DGLUCY: variants seen among roughly 807,000 people sequenced by gnomAD.
The protein encoded by DGLUCY is D-glutamate cyclase, mitochondrial.
Under a neutral mutation model 58.5 loss-of-function variants are expected in DGLUCY, and 58 were observed. The observed-to-expected ratio is 0.99, with a 90% CI of 0.80 to 1.23. The LOEUF is 1.23. DGLUCY is among the 50% of genes most tolerant of loss of function. The pLI is 0.00. For synonymous variants in DGLUCY, 325 were observed against 314.1 expected (o/e 1.03, Z -0.37); for missense variants, 779 against 784.7 (o/e 0.99, Z 0.09).
intron 13 of DGLUCY, chr14:91,223,793 C>G: frequency 3.9e-6 from 4 of 1,022,228 alleles, no homozygotes; most frequent in Non-Finnish European, 5.2e-6. Flanking sequence ...AAGTGCTTTG[C>G]TTGTACGTAA....
intron 1 of DGLUCY, among the ~76,000 whole-genome samples, chr14:91,067,018 T>G (rs1308180756): frequency 6.8e-6 from 1 of 147,644 alleles, no homozygotes; most frequent in African/African-American, 2.5e-5. Context: ...GAGGTGGAGC[T>G]TGCAGTGAGC....
chr14:91,196,600 T>C (rs2050231150), intron 10 of DGLUCY, 126 bp downstream of exon 10: 1 of 725,424 alleles, frequency 1.4e-6, no homozygotes, highest in Non-Finnish European at 2.4e-6. Context: ...CCAAGGAAGA[T>C]GGGTTCTCAT....
intron 1 of DGLUCY, among the ~76,000 whole-genome samples, chr14:91,084,582 A>G (rs1208073224): frequency 6.6e-6 from 1 of 152,084 alleles, no homozygotes. Context: ...AAGCAATTAC[A>G]GTGGTGGTAA....
chr14:91,072,078 T>A (rs1316258261), intron 1 of DGLUCY, among the ~76,000 whole-genome samples: 2 of 152,084 alleles, frequency 1.3e-5, no homozygotes, highest in African/African-American at 4.8e-5. Context: ...ATCCCAGCAC[T>A]TTAGGAGGCC....
rs895170210 is a variant in DGLUCY, at chr14:91,102,739, G to GTGTA, written c.-82+42039_-82+42042dup. Among the ~76,000 whole-genome samples, 3 of 138,828 alleles carry GTGTA rather than the reference G, an allele frequency of 2.2e-5. No homozygotes were observed. In the Admixed American group the frequency reaches 2.2e-4, roughly 10 times the overall value. 91.1% of individuals were successfully genotyped at this position (138,828 alleles called of 152,430 possible). A position where few individuals can be genotyped will look rare whatever the true frequency, so the allele number is the denominator to read the frequency against. ...GGATGCTGCTGGGACCCCTTCCAGTGTGTATGTGTGTGTGTGTGTGTGTGT... is the reference window on the plus strand; with the variant it reads ...GGATGCTGCTGGGACCCCTTCCAGTGTGTATGTATGTGTGTGTGTGTGTGTGTGT... On this transcript the variant is annotated intron_variant, in intron 1 of 4. Coordinates refer to the DGLUCY transcript ENST00000521334.
chr14:91,204,672 T>G lies in DGLUCY; in HGVS notation c.1445-34T>G, dbSNP rs200728228. On this transcript the variant is annotated intron_variant, in intron 11 of 13. Coordinates refer to ENST00000256324, the MANE Select transcript of DGLUCY (RefSeq NM_001102368.3). Reference sequence around the variant, plus strand: ...TCAGGCCTCCCCCATTTTGCCCTGGTCCCGTGCACTGACTCAGCTCCCCTT... The same window carrying G: ...TCAGGCCTCCCCCATTTTGCCCTGGGCCCGTGCACTGACTCAGCTCCCCTT... The G allele has an allele frequency of 6.8e-6, 11 of 1,607,576 alleles. No homozygotes were observed. The East Asian group carries it at 2.5e-4, about 36-fold the overall frequency.
intron 1 of DGLUCY, among the ~76,000 whole-genome samples, chr14:91,138,546 A>G (rs2046469397): frequency 6.6e-6 from 1 of 152,244 alleles, no homozygotes; most frequent in Non-Finnish European, 1.5e-5. Context: ...TATAAAGGAA[A>G]GAGGTCTAAT....
chr14:91,145,165 TCTC>T (rs1192306286), intron 1 of DGLUCY: 2 of 152,112 alleles, frequency 1.3e-5, no homozygotes, highest in Non-Finnish European at 2.9e-5. Context: ...GCTGGAGGCT[TCTC>T]CTACGTTTTC....
At position 91,086,114 on chromosome 14, in the gene DGLUCY, T is replaced by G. The variant is rs528097154; in HGVS notation, c.-82+25410T>G. Among the ~76,000 whole-genome samples, 4 of 152,308 alleles carry G rather than the reference T, an allele frequency of 2.6e-5. No homozygotes were observed. The East Asian group carries it at 7.7e-4, about 29-fold the overall frequency. On this transcript the variant is annotated intron_variant, in intron 1 of 4. Transcript: ENST00000521334. ...GTGAGGGATCTAGGTTTTGTGCTCC[T>G]TATGAGAATCTAATGCCTGATGATC...
chr14:91,218,587 G>A (rs571218310), intron 13 of DGLUCY, among the ~76,000 whole-genome samples: 75 of 152,008 alleles, frequency 4.9e-4, no homozygotes, highest in African/African-American at 1.8e-3. Context: ...ATTTTTAATG[G>A]TGACGGGGTT....
At chr14:91,171,157 G>A (rs559953867) in intron 5 of DGLUCY, among the ~76,000 whole-genome samples, 1 of 152,172 alleles carries the variant, frequency 6.6e-6, no homozygotes, top group Non-Finnish European at 1.5e-5. Context: ...CTCGTCACAT[G>A]CAGATTCTCA....
chr14:91,172,819 G>A (rs2140411588), intron 5 of DGLUCY, among the ~76,000 whole-genome samples: 1 of 152,118 alleles, frequency 6.6e-6, no homozygotes, highest in South Asian at 2.1e-4. Flanking sequence ...GCGAACTTTT[G>A]TATTTTTAAT....
chr14:91,110,605 A>C (rs961741057), upstream of DGLUCY, among the ~76,000 whole-genome samples: 9 of 151,196 alleles, frequency 6.0e-5, no homozygotes, highest in Middle Eastern at 3.2e-3. Context: ...TAATTTTTGT[A>C]TTTTTAGTAG....
intron 1 of DGLUCY, among the ~76,000 whole-genome samples, chr14:91,101,193 C>T (rs780880854): frequency 1.3e-5 from 2 of 152,082 alleles, no homozygotes; most frequent in Non-Finnish European, 2.9e-5. Context: ...ATGTTAACAT[C>T]ATTGTTGGCT....
At chr14:91,197,899 T>C (rs1038696762) in intron 10 of DGLUCY, among the ~76,000 whole-genome samples, 5 of 152,232 alleles carry the variant, frequency 3.3e-5, no homozygotes, top group African/African-American at 1.2e-4. Context: ...CTCCTGGACA[T>C]ACACATAGAA....
intron 1 of DGLUCY, among the ~76,000 whole-genome samples, chr14:91,063,242 C>A (rs2043762217): frequency 6.6e-6 from 1 of 150,944 alleles, no homozygotes. Context: ...CCTAGACACA[C>A]AGGAAGACTT....
chr14:91,202,222 T>G (rs1041627129), intron 11 of DGLUCY, among the ~76,000 whole-genome samples: 2 of 151,968 alleles, frequency 1.3e-5, no homozygotes, highest in East Asian at 1.9e-4. Flanking sequence ...GCGCAGCTAA[T>G]TAGTGTTGCT....
chr14:91,081,682 C>G (rs2044129909), intron 1 of DGLUCY, among the ~76,000 whole-genome samples: 2 of 151,964 alleles, frequency 1.3e-5, no homozygotes, highest in Non-Finnish European at 2.9e-5. Context: ...TGGCTCCTTT[C>G]TCTATCTTCA....
chr14:91,163,220 A>G (rs2048090926), intron 3 of DGLUCY, among the ~76,000 whole-genome samples: 1 of 152,090 alleles, frequency 6.6e-6, no homozygotes, highest in Non-Finnish European at 1.5e-5. Flanking sequence ...AGATTGCGCC[A>G]CTGCACTCCA....
Sources: allele counts gnomAD v4.1 joint callset (sites outside exome capture counted in the v4.1 genomes callset), GRCh38; gene constraint gnomAD v4.1.1; transcripts MANE v1.5; gene names NCBI Gene and HGNC (gene_info 2026-07-23, HGNC 2026-07-21).